The following INTS4 variants were observed in gnomAD, a reference collection of about 807,000 sequenced individuals.
INTS4 encodes MSTP093.
In INTS4, 70 loss-of-function variants were observed where a neutral mutation model predicts 119.5. That is an observed-to-expected ratio of 0.59 (90% CI 0.48 to 0.71). The LOEUF is 0.71. Ranked by LOEUF, INTS4 falls within the 30% of genes least tolerant of loss-of-function variation. The pLI is 0.00. For synonymous variants in INTS4, 316 were observed against 419.6 expected (o/e 0.75, Z 3.02); for missense variants, 867 against 1,173.2 (o/e 0.74, Z 3.81).
chr11:77,982,202 C>T (rs1325481664), intron 2 of INTS4, among the ~76,000 whole-genome samples: 1 of 149,418 alleles, frequency 6.7e-6, no homozygotes, highest in East Asian at 2.0e-4. Context: ...GTGGCGCCAT[C>T]ATGGCTAACT....
chr11:77,966,149 T>TTTG (rs998270644), intron 4 of INTS4, among the ~76,000 whole-genome samples: 1 of 152,172 alleles, frequency 6.6e-6, no homozygotes, highest in African/African-American at 2.4e-5. Context: ...TTAGCCAGGT[T>TTTG]TTGTTGTTGT....
At position 77,994,625 on chromosome 11, in the gene INTS4, T is replaced by C; in HGVS notation, c.19A>G (p.Lys7Glu). Residue 7 changes from lysine (K) to glutamate (E), a missense_variant, in exon 1 of 23, where the codon AAG becomes GAG. By Grantham distance (56) the Lys-to-Glu change is moderately conservative. Transcript: ENST00000534064. The part of the protein sequence containing the change: MAAHLK[K>E]RVYEEFTKVV... ...TTCGTGAATTCCTCATAAACCCGCTTCTTAAGGTGCGCCGCCATGCCTACC... is the reference window on the plus strand; with the variant it reads ...TTCGTGAATTCCTCATAAACCCGCTCCTTAAGGTGCGCCGCCATGCCTACC... 6.2e-7 allele frequency: 1 copy of C among 1,614,156 alleles called. No individual in the cohort carries two copies. Among genetic ancestry groups the C allele is most frequent in the Non-Finnish European group, 8.5e-7 (1 of 1,180,020 alleles).
intron 8 of INTS4, among the ~76,000 whole-genome samples, chr11:77,954,457 T>C (rs1954270358): frequency 6.6e-6 from 1 of 152,100 alleles, no homozygotes; most frequent in South Asian, 2.1e-4. Flanking sequence ...AACTGGATAA[T>C]GGCATCTATC....
In INTS4 at chr11:77,965,086, C is replaced by T. The variant is rs117753203; in HGVS notation, c.472-3948G>A. Among the ~76,000 whole-genome samples the T allele has an allele frequency of 6.7e-3, 1,016 of 152,188 alleles. 8 individuals carry two copies. Among genetic ancestry groups the T allele is most frequent in the Non-Finnish European group, 0.012 (783 of 67,996 alleles). ...ACTTAGGTTTTTGTTTTTTAAGAGACAACATCTTCCTCTGTCACCTAGGCT... is the reference window on the plus strand; with the variant it reads ...ACTTAGGTTTTTGTTTTTTAAGAGATAACATCTTCCTCTGTCACCTAGGCT... On this transcript the variant is annotated intron_variant, in intron 4 of 22. Coordinates refer to ENST00000534064, the MANE Select transcript of INTS4 (RefSeq NM_033547.4).
intron 1 of INTS4, among the ~76,000 whole-genome samples, chr11:77,991,676 C>T (rs996948611): frequency 3.9e-5 from 6 of 151,930 alleles, no homozygotes; most frequent in African/African-American, 9.7e-5. Flanking sequence ...GCATGAGCCA[C>T]GGTGCCCAGC....
intron 18 of INTS4, among the ~76,000 whole-genome samples, chr11:77,899,006 C>G (rs1952656272): frequency 6.6e-6 from 1 of 151,310 alleles, no homozygotes; most frequent in Non-Finnish European, 1.5e-5. Flanking sequence ...GGTGATAGAG[C>G]AAGACTCTGT....
chr11:77,950,327 G>C (rs1052019485), intron 8 of INTS4, among the ~76,000 whole-genome samples: 1 of 151,900 alleles, frequency 6.6e-6, no homozygotes, highest in African/African-American at 2.4e-5. Flanking sequence ...TCACAAACCT[G>C]CATGTTCTGC....
intron 4 of INTS4, among the ~76,000 whole-genome samples, chr11:77,969,861 T>C (rs1437310366): frequency 6.6e-6 from 1 of 152,140 alleles, no homozygotes. Flanking sequence ...ACTTTCTGTC[T>C]CTATAGACTT....
At chr11:77,930,519 G>C (rs531889248) in intron 10 of INTS4, among the ~76,000 whole-genome samples, 1 of 152,286 alleles carries the variant, frequency 6.6e-6, no homozygotes, top group South Asian at 2.1e-4. Context: ...TGTAACCTTT[G>C]CAAGTCCACC....
chr11:77,893,425 G>A (rs1952362871), intron 19 of INTS4, among the ~76,000 whole-genome samples: 1 of 151,930 alleles, frequency 6.6e-6, no homozygotes, highest in Admixed American at 6.6e-5. Flanking sequence ...GAGCAACACA[G>A]CAAGACCCCA....
intron 2 of INTS4, among the ~76,000 whole-genome samples, chr11:77,986,551 G>A (rs956265274): frequency 1.1e-4 from 17 of 152,024 alleles, no homozygotes; most frequent in African/African-American, 3.4e-4. Context: ...TGTTTATTGC[G>A]GCACTATTCA....
downstream of INTS4, among the ~76,000 whole-genome samples, chr11:77,877,764 A>G (rs1382878348): frequency 2.6e-5 from 4 of 151,822 alleles, no homozygotes; most frequent in Non-Finnish European, 5.9e-5. Flanking sequence ...TTTTTTTTAA[A>G]CAGAGATGGG....
chr11:77,926,172 G>A (rs1178611578), intron 11 of INTS4, among the ~76,000 whole-genome samples: 1 of 148,794 alleles, frequency 6.7e-6, no homozygotes, highest in Non-Finnish European at 1.5e-5. Flanking sequence ...AGGCAGGGTA[G>A]GATCTTGACA....
intron 17 of INTS4, among the ~76,000 whole-genome samples, chr11:77,902,189 A>T (rs1490447598): frequency 2.0e-5 from 3 of 152,218 alleles, no homozygotes; most frequent in African/African-American, 7.2e-5. Context: ...ATTGGCAATA[A>T]GACAAGTTAA....
intron 8 of INTS4, among the ~76,000 whole-genome samples, chr11:77,949,667 A>G (rs1954139665): frequency 6.6e-6 from 1 of 152,218 alleles, no homozygotes; most frequent in Non-Finnish European, 1.5e-5. Flanking sequence ...CCACAATGAG[A>G]TACCATCTCA....
intron 19 of INTS4, 29 bp from the exon 20 acceptor site, chr11:77,891,869 C>G (rs1397419930): frequency 6.2e-7 from 1 of 1,610,234 alleles, no homozygotes; most frequent in South Asian, 1.1e-5. Flanking sequence ...GCAACTGACT[C>G]ATTCAACTGT....
intron 4 of INTS4, 134 bp from the exon 5 acceptor site, chr11:77,961,272 C>T (rs1308955557): frequency 3.7e-5 from 43 of 1,168,810 alleles, no homozygotes; most frequent in Non-Finnish European, 4.4e-5. Context: ...GACCTATATT[C>T]TTAGGACAGT....
intron 15 of INTS4, among the ~76,000 whole-genome samples, chr11:77,908,237 T>G (rs931412023): frequency 7.2e-5 from 11 of 152,204 alleles, no homozygotes; most frequent in African/African-American, 2.7e-4. Flanking sequence ...AGTAAATTTT[T>G]TTTTATTATA....
chr11:77,981,534 C>A lies in INTS4; in HGVS notation c.289G>T (p.Gly97Cys). 6.3e-7 allele frequency: 1 copy of A among 1,585,364 alleles called. No homozygotes were observed. The highest frequency in any genetic ancestry group is 8.6e-7 in the Non-Finnish European group (1 of 1,164,574). The change falls in exon 3 of 23, where the codon GGT becomes TGT. Residue 97 changes from glycine (G) to cysteine (C), a missense_variant. Physicochemically the swap from Gly to Cys is radical, Grantham distance 159 (BLOSUM62 -3). This residue lies in a region of INTS4 where 224 missense variants were observed against 231.8 expected (regional missense o/e 0.97). Coordinates refer to ENST00000534064, the MANE Select transcript of INTS4 (RefSeq NM_033547.4). ...AATCCTGCTGTCTTTGATAATAAAC[C>A]CAACAATGATGCAATTTTCAGTCTC... Reference protein sequence around the residue: ...SVRLKIASLLGLLSKTAGFSP... With the variant: ...SVRLKIASLLCLLSKTAGFSP...
Sources: gnomAD v4.1 joint callset for allele counts (sites outside exome capture counted in the v4.1 genomes callset) on GRCh38, gnomAD v4.1.1 for gene constraint, gnomAD v4.1.1 regional missense constraint, MANE v1.5 for transcripts, NCBI Gene and HGNC (gene_info 2026-07-23, HGNC 2026-07-21) for gene names.